The following PLPP1 variants were observed in gnomAD, a reference collection of about 807,000 sequenced individuals.
PLPP1 encodes phospholipid phosphatase 1.
Under a neutral mutation model 31.2 loss-of-function variants are expected in PLPP1, and 24 were observed. The observed-to-expected ratio is 0.77, with a 90% CI of 0.56 to 1.08. PLPP1 has a LOEUF of 1.08. Among genes scored for constraint, PLPP1 ranks in the 50% least tolerant of loss-of-function variants. PLPP1 has a pLI of 0.00. For synonymous variants in PLPP1, 146 were observed against 126.3 expected, an observed-to-expected ratio of 1.16 and a Z score of -1.05; for missense variants, 319 against 342.7, an observed-to-expected ratio of 0.93 and a Z score of 0.55.
chr5:55,503,110 C>T (rs896955365), intron 1 of PLPP1, among the ~76,000 whole-genome samples: 4 of 152,138 alleles, frequency 2.6e-5, no homozygotes, highest in Non-Finnish European at 5.9e-5. Context: ...TTTACAGTAT[C>T]GCATCTCCAC....
chr5:55,425,084 C>T lies in PLPP1; in HGVS notation c.*122G>A. ...ACACACAAAGTGTGCATCCAAGAGG[C>T]ATAGCAGCAGCAGAAGTCTTTAAAG... On this transcript the variant is annotated 3_prime_UTR_variant, in exon 6 of 6. Transcript: ENST00000307259. 1.6e-6 allele frequency: 2 copies of T among 1,280,520 alleles called. No individual in the cohort carries two copies. Among genetic ancestry groups the T allele is most frequent in the Non-Finnish European group, 1.1e-6 (1 of 928,406 alleles). 79.3% of individuals were successfully genotyped at this position (1,280,520 alleles called of 1,614,324 possible).
At chr5:55,501,762 C>A (rs1388845065) in intron 1 of PLPP1, among the ~76,000 whole-genome samples, 2 of 152,194 alleles carry the variant, frequency 1.3e-5, no homozygotes, top group Non-Finnish European at 2.9e-5. Context: ...CCTCAGCCTC[C>A]CAAAGTGCTG....
chr5:55,501,566 G>A (rs1445691510), intron 1 of PLPP1, among the ~76,000 whole-genome samples: 4 of 152,030 alleles, frequency 2.6e-5, no homozygotes, highest in Admixed American at 6.6e-5. Flanking sequence ...GTGCAATGGC[G>A]TGATCTTGGC....
chr5:55,436,903 T>C (rs1279704318), intron 4 of PLPP1, among the ~76,000 whole-genome samples: 1 of 152,114 alleles, frequency 6.6e-6, no homozygotes, highest in Admixed American at 6.6e-5. Context: ...ATTAGGAAAA[T>C]AGGACTTTTG....
intron 1 of PLPP1, among the ~76,000 whole-genome samples, chr5:55,524,965 A>T (rs994512107): frequency 6.6e-6 from 1 of 152,160 alleles, no homozygotes; most frequent in Non-Finnish European, 1.5e-5. Context: ...ATAAAATAAC[A>T]GTTTTTCCAT....
chr5:55,470,150 A>C (rs950450563), intron 2 of PLPP1, among the ~76,000 whole-genome samples: 1 of 152,202 alleles, frequency 6.6e-6, no homozygotes, highest in Admixed American at 6.5e-5. Flanking sequence ...CTGCCAACAG[A>C]GGAACCCTTT....
chr5:55,436,187 A>G (rs939475513), intron 4 of PLPP1, among the ~76,000 whole-genome samples: 3 of 152,178 alleles, frequency 2.0e-5, no homozygotes, highest in Middle Eastern at 3.2e-3. Flanking sequence ...ACCTGCAGGC[A>G]GCAAATGCTT....
Position 55,438,761 on chromosome 5 carries a change from C to T in PLPP1, c.549+3090G>A, listed in dbSNP as rs1206179986. 2.6e-5 allele frequency among the ~76,000 whole-genome samples: 4 copies of T among 152,104 alleles called. No homozygotes were observed. In the East Asian group the frequency reaches 7.8e-4, roughly 29 times the overall value. ...CTAAAGATACAAAAAATTAGCCGGG[C>T]GTGGTGGCGGGCGCCTGTAGTCCCA... On this transcript the variant is annotated intron_variant, in intron 4 of 5. Coordinates refer to ENST00000307259, the MANE Select transcript of PLPP1 (RefSeq NM_003711.4).
At chr5:55,504,242 G>A (rs1205715950) in intron 1 of PLPP1, among the ~76,000 whole-genome samples, 1 of 151,408 alleles carries the variant, frequency 6.6e-6, no homozygotes, top group Admixed American at 6.6e-5. Context: ...GGTACCAGGT[G>A]CCTGTAATCC....
At chr5:55,457,434 A>T (rs1023845291) in intron 3 of PLPP1, among the ~76,000 whole-genome samples, 1 of 152,208 alleles carries the variant, frequency 6.6e-6, no homozygotes, top group African/African-American at 2.4e-5. Flanking sequence ...TATGACATGT[A>T]TATATCACAA....
At chr5:55,459,624 T>C (rs1053598624) in intron 3 of PLPP1, among the ~76,000 whole-genome samples, 1 of 152,212 alleles carries the variant, frequency 6.6e-6, no homozygotes, top group Non-Finnish European at 1.5e-5. Context: ...GAAATTAAAT[T>C]AGAAATCGAT....
intron 1 of PLPP1, among the ~76,000 whole-genome samples, chr5:55,518,631 T>C (rs1430423655): frequency 6.6e-6 from 1 of 152,196 alleles, no homozygotes; most frequent in African/African-American, 2.4e-5. Context: ...TCCTATTTTA[T>C]GCTGACAGTA....
At chr5:55,520,607 G>C (rs1354956937) in intron 1 of PLPP1, among the ~76,000 whole-genome samples, 1 of 152,168 alleles carries the variant, frequency 6.6e-6, no homozygotes, top group Admixed American at 6.5e-5. Context: ...CGAACTCAAA[G>C]AGTTGAGGTG....
rs1740830541 is a variant in PLPP1, at chr5:55,534,858, G to T, written c.-229C>A. 1 of 510,044 alleles carries T rather than the reference G, an allele frequency of 2.0e-6. No homozygotes were observed. The highest frequency in any genetic ancestry group is 3.4e-6 in the Non-Finnish European group (1 of 291,516). The allele number at this position is 510,044 out of a possible 1,614,324, so 31.6% of individuals were successfully genotyped here. ...CAGCCCCCGCGAACACTCGGTTAGT[G>T]CCGAGGCGCTCGTGTGCCAGCCGCG... On this transcript the variant is annotated 5_prime_UTR_variant, in exon 1 of 6. Coordinates refer to ENST00000307259, the MANE Select transcript of PLPP1 (RefSeq NM_003711.4).
At position 55,425,966 on chromosome 5, in the gene PLPP1, G is replaced by A. The variant is rs1361373224; in HGVS notation, c.623C>T (p.Ala208Val). ...AGAAAGGCCCACATAAATGGATACGGCAACAAGACCAAATTGCAGTGTGGG... is the reference window on the plus strand; with the variant it reads ...AGAAAGGCCCACATAAATGGATACGACAACAAGACCAAATTGCAGTGTGGG... ...LRPTLQFGLVAVSIYVGLSRV... is the reference protein window; with the variant it reads ...LRPTLQFGLVVVSIYVGLSRV... The change falls in exon 5 of 6, where the codon GCC (alanine) becomes GTC (valine). Residue 208 changes from alanine to valine, a missense_variant. By Grantham distance (64) the Ala-to-Val change is moderately conservative. Coordinates refer to ENST00000307259, the MANE Select transcript of PLPP1 (RefSeq NM_003711.4). The A allele has an allele frequency of 6.8e-6, 11 of 1,613,906 alleles. No individual in the cohort carries two copies. Among genetic ancestry groups the A allele is most frequent in the Non-Finnish European group, 8.5e-6 (10 of 1,179,920 alleles).
chr5:55,517,896 G>A (rs2111928068), intron 1 of PLPP1, among the ~76,000 whole-genome samples: 1 of 152,308 alleles, frequency 6.6e-6, no homozygotes, highest in East Asian at 1.9e-4. Flanking sequence ...TGCCCAGGCT[G>A]GAGTGCAGTG....
chr5:55,488,939 G>A (rs968801153), intron 1 of PLPP1, among the ~76,000 whole-genome samples: 18 of 152,058 alleles, frequency 1.2e-4, no homozygotes, highest in Non-Finnish European at 1.0e-4. Context: ...TGAGGCAGGA[G>A]AATCGCTTGA....
intron 1 of PLPP1, among the ~76,000 whole-genome samples, chr5:55,479,611 A>C (rs547754888): frequency 6.3e-5 from 9 of 143,028 alleles, no homozygotes; most frequent in African/African-American, 2.1e-4. Flanking sequence ...ACAGAGGAAG[A>C]AGCAGTGACT....
intron 1 of PLPP1, among the ~76,000 whole-genome samples, chr5:55,483,978 A>G (rs1399534903): frequency 3.3e-5 from 5 of 152,214 alleles, no homozygotes; most frequent in Non-Finnish European, 5.9e-5. Context: ...CGCTTAAGAT[A>G]AAGTTCATCA....
Sources: gnomAD v4.1 joint callset for allele counts (sites outside exome capture counted in the v4.1 genomes callset) on GRCh38, gnomAD v4.1.1 for gene constraint, MANE v1.5 for transcripts, NCBI Gene and HGNC (gene_info 2026-07-23, HGNC 2026-07-21) for gene names.